Variants in ANKRD44 observed in about 807,000 individuals in gnomAD.
ANKRD44 encodes the protein ankyrin repeat domain 44.
Under a neutral mutation model 116.0 loss-of-function variants are expected in ANKRD44, and 35 were observed. That is an observed-to-expected ratio of 0.30 (90% confidence interval 0.23 to 0.40). The LOEUF (loss-of-function observed/expected upper bound fraction) is 0.40. ANKRD44 is among the 10% of genes least tolerant of loss of function. The pLI is 1.00. For synonymous variants in ANKRD44, 435 were observed against 461.8 expected (o/e 0.94, Z 0.74); for missense variants, 1,014 against 1,242.6 (o/e 0.82, Z 2.77).
At chr2:197,218,754 T>C in intron 1 of ANKRD44, among the ~76,000 whole-genome samples, 1 of 17,226 alleles carries the variant, frequency 5.8e-5, no homozygotes, top group East Asian at 0.01. Flanking sequence ...AAAGTCCCTT[T>C]TTTTTTTTTT....
intron 16 of ANKRD44, among the ~76,000 whole-genome samples, chr2:197,072,907 A>C (rs2125103736): frequency 6.6e-6 from 1 of 152,292 alleles, no homozygotes; most frequent in South Asian, 2.1e-4. Context: ...AATCTCCAAC[A>C]AATAATAAAG....
At chr2:197,047,774 G>C (rs936432962) in intron 16 of ANKRD44, among the ~76,000 whole-genome samples, 2 of 152,128 alleles carry the variant, frequency 1.3e-5, no homozygotes, top group East Asian at 3.9e-4. Context: ...GCTGGGCATG[G>C]TGGTGTGTGC....
Position 196,989,713 on chromosome 2 carries a change from C to T in ANKRD44, c.2924-64G>A, listed in dbSNP as rs1445263058. ...ATTTCATCATCAAGCAACTGGCAAT[C>T]GGTTTTACATGCTAAATCACCCATT... On this transcript the variant is annotated intron_variant, in intron 27 of 27. Coordinates refer to ENST00000282272, the MANE Select transcript of ANKRD44 (RefSeq NM_001195144.2). 9 of 1,543,986 alleles carry T rather than the reference C, an allele frequency of 5.8e-6. No homozygotes were observed. In the Admixed American group the frequency reaches 1.2e-4, roughly 20 times the overall value.
intron 1 of ANKRD44, among the ~76,000 whole-genome samples, chr2:197,252,437 GTC>G (rs1491583810): frequency 2.0e-5 from 3 of 151,596 alleles, no homozygotes; most frequent in Non-Finnish European, 2.9e-5. Flanking sequence ...CGGAGTCGGA[GTC>G]TCTGTCGCCC....
chr2:197,253,142 T>A (rs2082360135), intron 1 of ANKRD44, among the ~76,000 whole-genome samples: 1 of 152,244 alleles, frequency 6.6e-6, no homozygotes, highest in East Asian at 1.9e-4. Flanking sequence ...AGCTCCTGTA[T>A]AACGATGGTA....
intron 1 of ANKRD44, among the ~76,000 whole-genome samples, chr2:197,267,641 T>C (rs1001715995): frequency 6.6e-6 from 1 of 152,252 alleles, no homozygotes; most frequent in Admixed American, 6.5e-5. Flanking sequence ...GCTGTGGTAC[T>C]AAGAGGCACT....
intron 21 of ANKRD44, among the ~76,000 whole-genome samples, chr2:197,003,938 C>T (rs923319525): frequency 6.6e-6 from 1 of 151,808 alleles, no homozygotes; most frequent in African/African-American, 2.4e-5. Context: ...AAAAAGAGGA[C>T]CGTAGTGAAA....
chr2:197,227,601 C>CAAAAAA (rs140740345), intron 1 of ANKRD44, among the ~76,000 whole-genome samples: 4 of 149,448 alleles, frequency 2.7e-5, no homozygotes, highest in African/African-American at 9.9e-5. Context: ...TTTGTTTTAC[C>CAAAAAA]AAAAAAAACA....
At chr2:197,133,214 G>C (rs532430573) in intron 4 of ANKRD44, among the ~76,000 whole-genome samples, 1 of 152,310 alleles carries the variant, frequency 6.6e-6, no homozygotes, top group Admixed American at 6.5e-5. Flanking sequence ...TCTTGGGCCA[G>C]GTGCATGCAC....
At chr2:197,265,894 C>G (rs1218916561) in intron 1 of ANKRD44, among the ~76,000 whole-genome samples, 2 of 152,026 alleles carry the variant, frequency 1.3e-5, no homozygotes, top group African/African-American at 4.8e-5. Context: ...TCCGAAAAAC[C>G]TATGTTTTCA....
intron 17 of ANKRD44, among the ~76,000 whole-genome samples, chr2:197,021,235 G>T (rs1423245150): frequency 6.6e-6 from 1 of 152,164 alleles, no homozygotes; most frequent in Non-Finnish European, 1.5e-5. Flanking sequence ...CTTTGCTATT[G>T]TAAATAGTGC....
intron 9 of ANKRD44, among the ~76,000 whole-genome samples, chr2:197,100,441 AAAG>A (rs2078266357): frequency 6.6e-6 from 1 of 151,512 alleles, no homozygotes; most frequent in Non-Finnish European, 1.5e-5. Flanking sequence ...TCTCAAAAAA[AAAG>A]AAAAAGAAAA....
At chr2:196,969,425 A>G (rs988441290) in intron 21 of ANKRD44, among the ~76,000 whole-genome samples, 4 of 151,916 alleles carry the variant, frequency 2.6e-5, no homozygotes, top group Non-Finnish European at 5.9e-5. Context: ...TCCTGTTTTT[A>G]TACCACTTTT....
chr2:197,047,505 T>C (rs1269440718), intron 16 of ANKRD44, among the ~76,000 whole-genome samples: 1 of 152,170 alleles, frequency 6.6e-6, no homozygotes, highest in Non-Finnish European at 1.5e-5. Flanking sequence ...AAAGAATTTA[T>C]CATCTTGAAG....
intron 1 of ANKRD44, among the ~76,000 whole-genome samples, chr2:197,272,907 C>T (rs541746852): frequency 6.6e-6 from 1 of 152,038 alleles, no homozygotes; most frequent in Admixed American, 6.5e-5. Context: ...TCCTCCCACA[C>T]AAAAAATAAA....
At chr2:197,089,504 T>C (rs1168307252) in intron 11 of ANKRD44, among the ~76,000 whole-genome samples, 2 of 152,208 alleles carry the variant, frequency 1.3e-5, no homozygotes, top group Admixed American at 1.3e-4. Context: ...AAATCAGCCA[T>C]AGTGATTTTT....
chr2:196,985,088 G>A (rs1399044050), downstream of ANKRD44, among the ~76,000 whole-genome samples: 1 of 152,236 alleles, frequency 6.6e-6, no homozygotes, highest in Non-Finnish European at 1.5e-5. Context: ...CATGTTGTGA[G>A]CTTCCCTATG....
intron 20 of ANKRD44, among the ~76,000 whole-genome samples, chr2:197,007,143 G>T (rs1289929861): frequency 6.6e-6 from 1 of 151,302 alleles, no homozygotes; most frequent in Non-Finnish European, 1.5e-5. Context: ...GCAAATAATT[G>T]CCCACAGGAT....
At chr2:196,990,141 TATAA>T (rs2075892254) in intron 27 of ANKRD44, 1 of 987,560 alleles carries the variant, frequency 1.0e-6, no homozygotes, top group African/African-American at 1.7e-5. Flanking sequence ...ATAGAGAGGA[TATAA>T]ATAGTTGGAC....
Sources: gnomAD v4.1 joint callset for allele counts (sites outside exome capture counted in the v4.1 genomes callset) on GRCh38, gnomAD v4.1.1 for gene constraint, MANE v1.5 for transcripts, NCBI Gene and HGNC (gene_info 2026-07-23, HGNC 2026-07-21) for gene names.